Variants in SHANK2 observed in about 807,000 individuals in gnomAD.
SHANK2 encodes SH3 and multiple ankyrin repeat domains 2.
SHANK2 carries 43 observed loss-of-function variants against 133.7 expected under a neutral mutation model. The observed-to-expected ratio is 0.32, with a 90% CI of 0.25 to 0.41. The LOEUF is 0.41. Among genes scored for constraint, SHANK2 ranks in the 10% least tolerant of loss-of-function variants. The probability of loss-of-function intolerance (pLI) is 1.00; values close to 1 mark genes in which losing one functional copy is unlikely to be tolerated. For missense variants in SHANK2, 1,994 were observed against 2,235.8 expected (o/e 0.89, Z 2.18); for synonymous variants, 1,017 against 952.8 (o/e 1.07, Z -1.24).
rs2058579317 is a variant in SHANK2 at position 70,470,074 on chromosome 11, G to A, written c.*2795C>T. The A allele has an allele frequency of 6.6e-6, 1 of 152,572 alleles. No individual in the cohort carries two copies. 9.5% of individuals were successfully genotyped at this position (152,572 alleles called of 1,614,324 possible). ...AACATTTGTTCCACCATTAAAGAGG[G>A]GCATGGAATAGGGCCTCGTCCTAAC... On this transcript the variant is annotated 3_prime_UTR_variant, in exon 26 of 26. Transcript: ENST00000601538.
chr11:70,869,362 G>A (rs781913085), intron 11 of SHANK2, among the ~76,000 whole-genome samples: 4 of 152,130 alleles, frequency 2.6e-5, no homozygotes, highest in Non-Finnish European at 4.4e-5. Flanking sequence ...ACAATGTATC[G>A]GTCCACAGGC....
intron 11 of SHANK2, among the ~76,000 whole-genome samples, chr11:70,869,745 C>T (rs953279509): frequency 7.9e-5 from 12 of 152,188 alleles, no homozygotes; most frequent in African/African-American, 2.9e-4. Context: ...GATTGTCCTC[C>T]CCCAGACAGG....
At chr11:70,898,929 A>G (rs1555076264) in intron 10 of SHANK2, among the ~76,000 whole-genome samples, 1 of 152,234 alleles carries the variant, frequency 6.6e-6, no homozygotes, top group Non-Finnish European at 1.5e-5. Flanking sequence ...CAAATGAAAG[A>G]AGACTATCGG....
intron 14 of SHANK2, among the ~76,000 whole-genome samples, chr11:70,706,453 T>TG (rs1248892431): frequency 1.3e-5 from 2 of 152,158 alleles, no homozygotes; most frequent in South Asian, 2.1e-4. Flanking sequence ...CAGCTCCAGC[T>TG]GGGGATTGCC....
At chr11:70,599,951 G>GAA (rs2060468532) in intron 17 of SHANK2, among the ~76,000 whole-genome samples, 2 of 132,486 alleles carry the variant, frequency 1.5e-5, no homozygotes, top group Non-Finnish European at 3.2e-5. Flanking sequence ...AAGAAAGAAA[G>GAA]AAAGAAAGAA....
At chr11:70,596,736 C>G (rs1410974448) in intron 17 of SHANK2, among the ~76,000 whole-genome samples, 1 of 152,184 alleles carries the variant, frequency 6.6e-6, no homozygotes, top group Non-Finnish European at 1.5e-5. Context: ...CACAACAGTC[C>G]ACTCTCTCCG....
At chr11:71,149,049 C>T (rs1183930663) in intron 2 of SHANK2, among the ~76,000 whole-genome samples, 13 of 152,154 alleles carry the variant, frequency 8.5e-5, no homozygotes, top group South Asian at 2.1e-4. Flanking sequence ...AAACTTGGTA[C>T]AGTTGGGGAC....
chr11:70,671,035 T>C (rs1591731248), intron 15 of SHANK2, among the ~76,000 whole-genome samples: 1 of 152,232 alleles, frequency 6.6e-6, no homozygotes, highest in African/African-American at 2.4e-5. Flanking sequence ...TTCCTCCTCA[T>C]TGCTAACATG....
intron 10 of SHANK2, among the ~76,000 whole-genome samples, chr11:70,918,203 A>G (rs11237981): frequency 0.21 from 32,385 of 152,132 alleles, 3,759 homozygotes; most frequent in Middle Eastern, 0.29. Flanking sequence ...TCCCAAAGGC[A>G]GAACGCTTGC....
intron 11 of SHANK2, chr11:70,873,049 T>C (rs1555070498): frequency 4.2e-6 from 2 of 471,344 alleles, no homozygotes; most frequent in African/African-American, 4.0e-5. Context: ...ACGTCCATCC[T>C]GGTGCCTCTG....
At chr11:71,110,788 C>T (rs1555099051) in intron 5 of SHANK2, among the ~76,000 whole-genome samples, 2 of 152,192 alleles carry the variant, frequency 1.3e-5, no homozygotes, top group African/African-American at 2.4e-5. Flanking sequence ...TTTAAAATCC[C>T]CTCACCGTTC....
At chr11:71,182,534 C>T (rs574651434) in intron 2 of SHANK2, among the ~76,000 whole-genome samples, 1 of 152,278 alleles carries the variant, frequency 6.6e-6, no homozygotes, top group South Asian at 2.1e-4. Context: ...CTCAGGCGTT[C>T]CTTGGCTGGT....
At chr11:70,865,434 A>C (rs1949338063) in intron 11 of SHANK2, among the ~76,000 whole-genome samples, 1 of 152,196 alleles carries the variant, frequency 6.6e-6, no homozygotes, top group South Asian at 2.1e-4. Flanking sequence ...GAAGAATACA[A>C]TGGGCCCAGG....
chr11:70,685,801 T>C (rs1397061892), intron 15 of SHANK2, among the ~76,000 whole-genome samples: 2 of 152,134 alleles, frequency 1.3e-5, no homozygotes, highest in African/African-American at 4.8e-5. Flanking sequence ...GGGGCCATGC[T>C]ATCCTCTCCT....
chr11:70,943,158 C>T (rs1329249901), intron 10 of SHANK2: 4 of 448,756 alleles, frequency 8.9e-6, no homozygotes, highest in African/African-American at 8.0e-5. Flanking sequence ...GCTGGAGAGA[C>T]ATCACATCAT....
At chr11:70,863,011 G>C (rs1032848636) in intron 11 of SHANK2, 14 of 317,452 alleles carry the variant, frequency 4.4e-5, no homozygotes, top group Non-Finnish European at 8.1e-5. Context: ...GGTGTGAGCT[G>C]GTGGGCAGGG....
At chr11:70,513,364 A>G (rs565551202) in intron 17 of SHANK2, among the ~76,000 whole-genome samples, 1 of 152,328 alleles carries the variant, frequency 6.6e-6, no homozygotes, top group South Asian at 2.1e-4. Flanking sequence ...GTGTGTAAGG[A>G]AGACTCAAAT....
At chr11:70,488,413 G>A (rs1162879334) in intron 24 of SHANK2, among the ~76,000 whole-genome samples, 2 of 152,218 alleles carry the variant, frequency 1.3e-5, no homozygotes, top group Non-Finnish European at 2.9e-5. Flanking sequence ...TGCGTGCTGG[G>A]AGGAGGTGCT....
chr11:71,086,546 T>A (rs1433901210), intron 8 of SHANK2, among the ~76,000 whole-genome samples: 1 of 143,526 alleles, frequency 7.0e-6, no homozygotes, highest in East Asian at 2.0e-4. Flanking sequence ...ATAAATATAT[T>A]ATATATAATA....
Sources: gnomAD v4.1 joint callset for allele counts (sites outside exome capture counted in the v4.1 genomes callset) on GRCh38, gnomAD v4.1.1 for gene constraint, MANE v1.5 for transcripts, NCBI Gene and HGNC (gene_info 2026-07-23, HGNC 2026-07-21) for gene names.